Variants in GLIS3 observed in about 807,000 individuals in gnomAD.
GLIS3 encodes the protein GLIS family zinc finger 3.
Under a neutral mutation model 78.6 loss-of-function variants are expected in GLIS3, and 53 were observed. That is an observed-to-expected ratio of 0.67 (90% CI 0.54 to 0.85). The LOEUF is 0.85. Ranked by LOEUF, GLIS3 falls within the 40% of genes least tolerant of loss-of-function variation. GLIS3 has a pLI of 0.00. For missense variants in GLIS3, 1,703 were observed against 1,231.1 expected, an observed-to-expected ratio of 1.38 and a Z score of -5.74; for synonymous variants, 684 against 509.9, an observed-to-expected ratio of 1.34 and a Z score of -4.60.
chr9:4,392,544 T>C, the GLIS3 span, among the ~76,000 whole-genome samples: 6 of 152,200 alleles, frequency 3.9e-5, no homozygotes, highest in Admixed American at 3.9e-4. Context: ...CAATTACCTT[T>C]CACTATGGCC....
At chr9:3,959,480 C>T (rs1186386934) in intron 4 of GLIS3, among the ~76,000 whole-genome samples, 1 of 152,170 alleles carries the variant, frequency 6.6e-6, no homozygotes, top group Non-Finnish European at 1.5e-5. Context: ...TAGAATGCTC[C>T]ACTGGCTTCC....
the GLIS3 span, among the ~76,000 whole-genome samples, chr9:4,353,812 G>GT: frequency 1.3e-5 from 2 of 152,098 alleles, no homozygotes; most frequent in Admixed American, 1.3e-4. Context: ...GCCTGTAGCT[G>GT]TTGATTTGCT....
At chr9:4,321,984 T>A (rs186212166) in intron 2 of GLIS3, among the ~76,000 whole-genome samples, 6 of 152,246 alleles carry the variant, frequency 3.9e-5, no homozygotes, top group Admixed American at 1.3e-4. Flanking sequence ...ACCCATTAAC[T>A]AGTCATTCAC....
intron 4 of GLIS3, among the ~76,000 whole-genome samples, chr9:4,045,754 C>T (rs1048727162): frequency 6.6e-6 from 1 of 152,118 alleles, no homozygotes; most frequent in African/African-American, 2.4e-5. Flanking sequence ...AACACAGTCT[C>T]GCAATCACAG....
intron 2 of GLIS3, among the ~76,000 whole-genome samples, chr9:4,345,187 C>T (rs1031695873): frequency 5.9e-5 from 9 of 152,296 alleles, no homozygotes; most frequent in Admixed American, 1.3e-4. Flanking sequence ...TGGGCCCCTG[C>T]GTTACCTCTG....
intron 4 of GLIS3, among the ~76,000 whole-genome samples, chr9:4,005,022 G>A (rs567173235): frequency 6.6e-6 from 1 of 152,286 alleles, no homozygotes; most frequent in South Asian, 2.1e-4. Flanking sequence ...CTAGGCCCCT[G>A]AATCCTGATG....
Position 4,201,162 on chromosome 9 carries a change from C to G in GLIS3, c.389-75221G>C, listed in dbSNP as rs181632561. Among the ~76,000 whole-genome samples the G allele has an allele frequency of 2.1e-3, 327 of 152,232 alleles. 2 individuals carry two copies. Among genetic ancestry groups the G allele is most frequent in the Admixed American group, 5.6e-3 (85 of 15,292 alleles). ...CTTCATGATAAAAAACCTCAAGAAACTAGGCATCAAAGGAACATACCTCAA... is the reference window on the plus strand; with the variant it reads ...CTTCATGATAAAAAACCTCAAGAAAGTAGGCATCAAAGGAACATACCTCAA... On this transcript the variant is annotated intron_variant, in intron 2 of 10. Transcript: ENST00000381971.
At chr9:4,395,532 T>G in the GLIS3 span, among the ~76,000 whole-genome samples, 6 of 152,142 alleles carry the variant, frequency 3.9e-5, no homozygotes, top group African/African-American at 1.2e-4. Context: ...CTGCAACTCC[T>G]GAGTCATTTT....
chr9:3,838,012 G>C (rs1185179422), intron 9 of GLIS3, among the ~76,000 whole-genome samples: 1 of 151,796 alleles, frequency 6.6e-6, no homozygotes, highest in East Asian at 1.9e-4. Flanking sequence ...GGGGGAGGAG[G>C]GTGTGTGGGA....
chr9:4,215,299 G>A (rs905533165), intron 2 of GLIS3, among the ~76,000 whole-genome samples: 4 of 150,976 alleles, frequency 2.6e-5, no homozygotes, highest in Non-Finnish European at 2.9e-5. Context: ...TGCCTGTGAG[G>A]GGAGAGATGA....
chr9:4,046,452 A>G (rs987006864), intron 4 of GLIS3, among the ~76,000 whole-genome samples: 6 of 152,170 alleles, frequency 3.9e-5, no homozygotes, highest in Non-Finnish European at 7.3e-5. Context: ...AAACAACCCT[A>G]TAAGGAGGGG....
intron 2 of GLIS3, among the ~76,000 whole-genome samples, chr9:4,235,298 CAAAAAAAA>C (rs60654092): frequency 2.8e-5 from 3 of 106,066 alleles, no homozygotes; most frequent in East Asian, 5.3e-4. Flanking sequence ...GACTCTGTCT[CAAAAAAAA>C]AAAAAAAAAA....
chr9:4,165,097 G>A (rs1835776575), intron 2 of GLIS3, among the ~76,000 whole-genome samples: 1 of 152,132 alleles, frequency 6.6e-6, no homozygotes, highest in African/African-American at 2.4e-5. Flanking sequence ...CACAGATGCA[G>A]GAGAACAGAG....
chr9:3,885,097 G>A (rs1020496128), intron 7 of GLIS3, among the ~76,000 whole-genome samples: 1 of 152,188 alleles, frequency 6.6e-6, no homozygotes, highest in African/African-American at 2.4e-5. Context: ...AATTACTTCA[G>A]GCAAGAAATT....
intron 2 of GLIS3, among the ~76,000 whole-genome samples, chr9:4,273,117 G>A (rs1207558943): frequency 6.6e-6 from 1 of 152,144 alleles, no homozygotes; most frequent in Admixed American, 6.5e-5. Flanking sequence ...GCCTAGACTG[G>A]AGAGTTATGA....
intron 7 of GLIS3, among the ~76,000 whole-genome samples, chr9:3,890,263 A>AAAC (rs201262591): frequency 3.9e-5 from 6 of 152,160 alleles, no homozygotes; most frequent in Non-Finnish European, 8.8e-5. Flanking sequence ...CTCTTCATGG[A>AAAC]AACAACAACA....
intron 4 of GLIS3, among the ~76,000 whole-genome samples, chr9:3,964,312 A>G (rs1817770069): frequency 6.6e-6 from 1 of 152,236 alleles, no homozygotes; most frequent in African/African-American, 2.4e-5. Flanking sequence ...GAAGCATCTT[A>G]TAAAAGTTAT....
chr9:4,371,507 C>T, the GLIS3 span, among the ~76,000 whole-genome samples: 16 of 152,164 alleles, frequency 1.1e-4, no homozygotes, highest in African/African-American at 3.9e-4. Context: ...AATCCTGGCC[C>T]AGTAACAGCA....
chr9:4,287,764 A>G (rs184130182), intron 1 of GLIS3, among the ~76,000 whole-genome samples: 1 of 152,356 alleles, frequency 6.6e-6, no homozygotes, highest in East Asian at 1.9e-4. Context: ...ATCAAGGAGA[A>G]ACACTTTTTG....
Sources: allele counts gnomAD v4.1 joint callset (sites outside exome capture counted in the v4.1 genomes callset), GRCh38; gene constraint gnomAD v4.1.1; transcripts MANE v1.5; gene names NCBI Gene and HGNC (gene_info 2026-07-23, HGNC 2026-07-21).